The following PNPLA7 variants were observed in gnomAD, a reference collection of about 807,000 sequenced individuals.
The protein encoded by PNPLA7 is patatin like domain 7, lysophospholipase.
Under a neutral mutation model 161.7 loss-of-function variants are expected in PNPLA7, and 153 were observed. The ratio of observed to expected loss-of-function variants is 0.95; its 90% CI spans 0.83 to 1.08. PNPLA7 has a LOEUF of 1.08. Among genes scored for constraint, PNPLA7 ranks in the 50% least tolerant of loss-of-function variants. The pLI, the probability that PNPLA7 is intolerant of heterozygous loss-of-function variation, is 0.00. For missense variants in PNPLA7, 1,739 were observed against 1,856.6 expected (o/e 0.94, Z 1.16); for synonymous variants, 809 against 782.1 (o/e 1.03, Z -0.57).
At chr9:137,531,663 C>A (rs1357343850) in intron 8 of PNPLA7, among the ~76,000 whole-genome samples, 1 of 152,172 alleles carries the variant, frequency 6.6e-6, no homozygotes, top group Non-Finnish European at 1.5e-5. Context: ...ATGAATCTCA[C>A]GTTCATAATG....
chr9:137,505,017 C>T (rs11137348), intron 14 of PNPLA7, among the ~76,000 whole-genome samples: 19,661 of 151,724 alleles, frequency 0.13, 1,356 homozygotes, highest in East Asian at 0.2. Context: ...GGTGAAACCC[C>T]GTCTCTACTA....
At chr9:137,506,153 G>A (rs1327879193) in intron 12 of PNPLA7, 70 bp from the exon 13 acceptor site, 12 of 1,325,120 alleles carry the variant, frequency 9.1e-6, no homozygotes, top group Non-Finnish European at 1.3e-5. Context: ...GGTGTGGGCT[G>A]AGCACACCCT....
Position 137,490,268 on chromosome 9 carries a change from A to G in PNPLA7, c.2197+2745T>C, listed in dbSNP as rs1019867485. 2.6e-5 allele frequency among the ~76,000 whole-genome samples: 4 copies of G among 151,970 alleles called. No individual in the cohort carries two copies. Among genetic ancestry groups the G allele is most frequent in the Non-Finnish European group, 4.4e-5 (3 of 67,994 alleles). Reference sequence around the variant, plus strand: ...GCTAACATGCCTGGATCATTTTTCAAATTTTATTCATAGAGACAGGGTCTC... The same window carrying G: ...GCTAACATGCCTGGATCATTTTTCAGATTTTATTCATAGAGACAGGGTCTC... On this transcript the variant is annotated intron_variant, in intron 20 of 34. Coordinates refer to ENST00000406427, the MANE Select transcript of PNPLA7 (RefSeq NM_001098537.3). This position sits in a 1 kb window ranked among gnomAD's most constrained non-coding sequence, Gnocchi z 4.1.
chr9:137,480,179 C>T, intron 23 of PNPLA7, 133 bp downstream of exon 23: 1 of 1,276,928 alleles, frequency 7.8e-7, no homozygotes, highest in Non-Finnish European at 1.1e-6. Flanking sequence ...ACATGGGTAG[C>T]AGATATCTGA....
intron 8 of PNPLA7, among the ~76,000 whole-genome samples, chr9:137,529,638 G>A (rs1399638362): frequency 6.6e-6 from 1 of 151,236 alleles, no homozygotes; most frequent in African/African-American, 2.4e-5. Context: ...TGAGATTCGA[G>A]GTGAAGTTTG....
chr9:137,540,178 C>T lies in PNPLA7; in HGVS notation c.747+464G>A, dbSNP rs759800345. On this transcript the variant is annotated intron_variant, in intron 8 of 34. Transcript: ENST00000406427. The surrounding 1 kb of genome is among the most constrained non-coding windows in gnomAD (Gnocchi z 5.1). The stretch of plus-strand genomic sequence containing the variant: ...GCAGATCAGGCTCTGGTATCGGAAA[C>T]GATGGACACAGGAAACCATTCACTG... 9.2e-5 allele frequency among the ~76,000 whole-genome samples: 14 copies of T among 152,140 alleles called. No individual in the cohort carries two copies. Among genetic ancestry groups the T allele is most frequent in the Non-Finnish European group, 1.9e-4 (13 of 68,044 alleles).
chr9:137,467,509 A>G lies in PNPLA7; in HGVS notation c.2883-36T>C. The stretch of plus-strand genomic sequence containing the variant: ...CAGGGACACAGAGCAAGGAGTGAGT[A>G]CCAGGCCCAGGCTGCGCCCTGCAGA... On this transcript the variant is annotated intron_variant, in intron 25 of 34. Transcript: ENST00000406427. This position sits in a 1 kb window ranked among gnomAD's most constrained non-coding sequence, Gnocchi z 5.1. 6.2e-7 allele frequency: 1 copy of G among 1,607,900 alleles called. No homozygotes were observed. The highest frequency in any genetic ancestry group is 8.5e-7 in the Non-Finnish European group (1 of 1,177,564).
At chr9:137,474,770 T>C (rs1297291233) in intron 25 of PNPLA7, among the ~76,000 whole-genome samples, 1 of 149,486 alleles carries the variant, frequency 6.7e-6, no homozygotes, top group Non-Finnish European at 1.5e-5. Flanking sequence ...CCCAGCACTT[T>C]GGGAGGCCAA....
rs748724761 is a variant in PNPLA7, at chr9:137,460,758, G to A, written c.3842-21C>T. 2.5e-5 allele frequency: 40 copies of A among 1,601,042 alleles called. 1 individual carries two copies. In the East Asian group the frequency reaches 6.7e-4, roughly 27 times the overall value. Reference sequence around the variant, plus strand: ...TTCGTCTGGCACCGAGGGTAGGGCTGCGTCAGTCCCCTCCCAAGGAAGGGA... The same window carrying A: ...TTCGTCTGGCACCGAGGGTAGGGCTACGTCAGTCCCCTCCCAAGGAAGGGA... On this transcript the variant is annotated intron_variant, in intron 33 of 34. Transcript: ENST00000406427.
intron 12 of PNPLA7, among the ~76,000 whole-genome samples, chr9:137,506,497 C>T (rs1833929837): frequency 6.6e-6 from 1 of 152,122 alleles, no homozygotes; most frequent in Non-Finnish European, 1.5e-5. Context: ...ATGCTGCCGC[C>T]CTCTGTATGT....
At chr9:137,504,072 GGAAGAAGAAGAAGGAAGAAGAAGGAAGAA>G in intron 14 of PNPLA7, among the ~76,000 whole-genome samples, 1 of 139,846 alleles carries the variant, frequency 7.2e-6, no homozygotes, top group South Asian at 2.3e-4. Context: ...GAAAGAAGAA[GGAAGAAGAAGAAGGAAGAAGAAGGAAGAA>G]GAAGAAAGAA....
chr9:137,541,519 T>G lies in PNPLA7; in HGVS notation c.667-797A>C. On this transcript the variant is annotated intron_variant, in intron 7 of 34. Transcript: ENST00000406427. The surrounding 1 kb of genome is among the most constrained non-coding windows in gnomAD (Gnocchi z 4.4). ...CACAGCCCACTCCCGGGACCACAGC[T>G]GGCAGGAGCCCTGCAGGTCAGGGTG... The G allele has an allele frequency of 1.0e-6, 1 of 985,014 alleles. No homozygotes were observed. The allele number at this position is 985,014 out of a possible 1,614,324, so 61.0% of individuals were successfully genotyped here.
In PNPLA7 at chr9:137,497,219, C is replaced by T. The variant is rs757012971; in HGVS notation, c.1981G>A (p.Gly661Arg). The T allele has an allele frequency of 4.4e-6, 7 of 1,586,852 alleles. No individual in the cohort carries two copies. The highest frequency in any genetic ancestry group is 1.4e-5 in the African/African-American group (1 of 73,724). Residue 661 changes from glycine (G) to arginine (R), a missense_variant, in exon 18 of 35, where the codon GGG becomes AGG. Coordinates refer to ENST00000406427, the MANE Select transcript of PNPLA7 (RefSeq NM_001098537.3). ...RKDDGKKRLA[G>R]EYGRGDLVGV... ...ACGAGGTCTCCTCGGCCGTACTCCC[C>T]GGCCAGGCGCTTCTTCCCATCATCC...
At chr9:137,461,764 A>G in intron 32 of PNPLA7, 144 bp from the exon 33 acceptor site, 1 of 1,188,330 alleles carries the variant, frequency 8.4e-7, no homozygotes, top group East Asian at 2.6e-5. Flanking sequence ...GACCGGGGAG[A>G]TGCGCAGTCC....
rs1385307688 is a variant in PNPLA7, at chr9:137,543,528, T to C, written c.410A>G (p.Glu137Gly). Residue 137 changes from glutamate (E) to glycine (G), a missense_variant, in exon 6 of 35, where the codon GAG (glutamate) becomes GGG (glycine). By Grantham distance (98) the Glu-to-Gly change is moderately conservative (BLOSUM62 -2). Transcript: ENST00000406427. This position sits in a 1 kb window ranked among gnomAD's most constrained non-coding sequence, Gnocchi z 6.9. ...GGCCTCCAGCAGGGAGGGCGGGGGC[T>C]CCTTGGGCTGCAGGGCCGGGTATTC... ...KKEYPALQPK[E>G]PPPSLLEADL... 1 of 1,613,938 alleles carries C rather than the reference T, an allele frequency of 6.2e-7. No homozygotes were observed. The highest frequency in any genetic ancestry group is 1.7e-5 in the Admixed American group (1 of 59,984).
intron 20 of PNPLA7, among the ~76,000 whole-genome samples, chr9:137,491,163 G>T (rs1028446806): frequency 1.6e-4 from 24 of 152,056 alleles, no homozygotes; most frequent in South Asian, 2.1e-4. Flanking sequence ...GGAGGCTGAG[G>T]GGGGGGGAAT....
Position 137,467,336 on chromosome 9 carries a change from CG to C in PNPLA7, c.3019del (p.Arg1007GlyfsTer9). ...GCTTACCTCGGCCCACTGCTTGGCC[CG>C]GATCCGCATCTGGCTGTAGTTCCGC... ...EERNYSQMRI[R>X]AKQWAEGMTS... On this transcript the variant is annotated frameshift_variant, in exon 26 of 35. Transcript: ENST00000406427. LOFTEE classifies it high-confidence loss of function. This position sits in a 1 kb window ranked among gnomAD's most constrained non-coding sequence, Gnocchi z 5.1. 3.1e-6 allele frequency: 5 copies of C among 1,613,492 alleles called. No individual in the cohort carries two copies. The South Asian group carries it at 5.5e-5, about 18-fold the overall frequency.
rs200651828 is a variant in PNPLA7 at position 137,472,954 on chromosome 9, C to CAA, written c.2882+5078_2882+5079dup. 6.7e-5 allele frequency among the ~76,000 whole-genome samples: 9 copies of CAA among 134,802 alleles called. 1 individual carries two copies. The highest frequency in any genetic ancestry group is 7.4e-3 in the Middle Eastern group (2 of 272). 88.4% of individuals were successfully genotyped at this position (134,802 alleles called of 152,430 possible). ...TGGGCGACAGAGCAAGACTCCGTCT[C>CAA]AAAAAAGAAAAAAAAATGGTTTAAT... is the stretch of plus-strand genomic sequence containing the variant. On this transcript the variant is annotated intron_variant, in intron 25 of 34. Coordinates refer to ENST00000406427, the MANE Select transcript of PNPLA7 (RefSeq NM_001098537.3).
rs966961339 is a variant in PNPLA7, at chr9:137,523,658, G to A, written c.748-801C>T. On this transcript the variant is annotated intron_variant, in intron 8 of 34. Coordinates refer to ENST00000406427, the MANE Select transcript of PNPLA7 (RefSeq NM_001098537.3). The surrounding 1 kb of genome is among the most constrained non-coding windows in gnomAD (Gnocchi z 4.4). ...TTTTTTTTTTTTGAGACAGAGTCTCGTTCTGTCGTCCAGGCTGGAGTGCAA... is the reference window on the plus strand; with the variant it reads ...TTTTTTTTTTTTGAGACAGAGTCTCATTCTGTCGTCCAGGCTGGAGTGCAA... 4.1e-5 allele frequency among the ~76,000 whole-genome samples: 6 copies of A among 146,358 alleles called. No individual in the cohort carries two copies. The highest frequency in any genetic ancestry group is 9.0e-5 in the Non-Finnish European group (6 of 66,828).
Sources: allele counts gnomAD v4.1 joint callset (sites outside exome capture counted in the v4.1 genomes callset), GRCh38; gene constraint gnomAD v4.1.1; non-coding constraint Gnocchi (gnomAD v3.1); transcripts MANE v1.5; gene names NCBI Gene and HGNC (gene_info 2026-07-23, HGNC 2026-07-21).